TAPBPL: variants seen among roughly 807,000 people sequenced by gnomAD.
TAPBPL encodes the protein TAP binding protein like, also known as tapasin-related protein.
TAPBPL carries 32 observed loss-of-function variants against 44.8 expected under a neutral mutation model. The observed-to-expected ratio is 0.71, with a 90% CI of 0.54 to 0.96. The LOEUF is 0.96. TAPBPL is among the 40% of genes least tolerant of loss of function. The pLI is 0.00. For synonymous variants in TAPBPL, 230 were observed against 240.7 expected (o/e 0.96, Z 0.41); for missense variants, 520 against 586.6 (o/e 0.89, Z 1.17).
downstream of TAPBPL, among the ~76,000 whole-genome samples, chr12:6,471,412 C>G (rs115389206): frequency 5.3e-5 from 8 of 152,132 alleles, no homozygotes; most frequent in African/African-American, 1.7e-4. This position sits in a 1 kb window ranked among gnomAD's most constrained non-coding sequence, Gnocchi z 4.0. Context: ...CAGTAATCTG[C>G]CAAATCGAGT....
chr12:6,457,492 C>A lies in TAPBPL; in HGVS notation c.652C>A (p.Pro218Thr). 7 of 1,614,220 alleles carry A rather than the reference C, an allele frequency of 4.3e-6. No individual in the cohort carries two copies. Among genetic ancestry groups the A allele is most frequent in the Non-Finnish European group, 5.9e-6 (7 of 1,180,042 alleles). Residue 218 changes from proline (P) to threonine (T), a missense_variant, in exon 4 of 7, where the codon CCG (proline) becomes ACG (threonine). Pro to Thr is a conservative substitution (Grantham distance 38, BLOSUM62 -1). Transcript: ENST00000266556. ...ASLDCGFSMA[P>T]GLDLISVEWR... ...CTTGGACTGTGGCTTCTCCATGGCA[C>A]CGGGCTTGGACCTCATCAGTGTGGA...
At chr12:6,451,697 A>G (rs1385344474), upstream of TAPBPL, 2 of 336,944 alleles carry the variant, frequency 5.9e-6, no homozygotes, top group Non-Finnish European at 1.1e-5. Flanking sequence ...GGCAAAATAA[A>G]GTGACAGATG....
chr12:6,469,542 TTAC>T (rs1476787386), downstream of TAPBPL, among the ~76,000 whole-genome samples: 1 of 152,222 alleles, frequency 6.6e-6, no homozygotes, highest in Non-Finnish European at 1.5e-5. Flanking sequence ...CCAATTTCAC[TTAC>T]TACTTGTTGG....
At chr12:6,463,419 A>C, downstream of TAPBPL, 1 of 1,056,130 alleles carries the variant, frequency 9.5e-7, no homozygotes, top group Non-Finnish European at 1.1e-6. This position sits in a 1 kb window ranked among gnomAD's most constrained non-coding sequence, Gnocchi z 4.0. Context: ...TGTCTTTGGC[A>C]AGTGCACGGG....
chr12:6,457,999 A>G (rs1443471262), intron 4 of TAPBPL, among the ~76,000 whole-genome samples: 1 of 152,148 alleles, frequency 6.6e-6, no homozygotes, highest in Non-Finnish European at 1.5e-5. Flanking sequence ...CCATCACCCC[A>G]GTCCTTTTGG....
intron 5 of TAPBPL, among the ~76,000 whole-genome samples, chr12:6,459,513 T>C (rs2136990825): frequency 6.6e-6 from 1 of 152,310 alleles, no homozygotes; most frequent in South Asian, 2.1e-4. Context: ...AAATGTATGA[T>C]TTCATGGATC....
intron 3 of TAPBPL, among the ~76,000 whole-genome samples, chr12:6,457,053 A>G (rs1319306554): frequency 6.6e-6 from 1 of 152,248 alleles, no homozygotes. Context: ...TCACGGAGCC[A>G]GTAAGTGGAA....
chr12:6,464,619 C>T, downstream of TAPBPL: 1 of 1,456,614 alleles, frequency 6.9e-7, no homozygotes, highest in South Asian at 1.5e-5. Flanking sequence ...TGGTCTCCCT[C>T]CAACCCAAGC....
chr12:6,462,850 A>G, downstream of TAPBPL: 3 of 1,606,412 alleles, frequency 1.9e-6, no homozygotes, highest in Non-Finnish European at 2.6e-6. Context: ...GCCCTTGGGC[A>G]GGACGAAGGG....
At chr12:6,464,141 A>G, downstream of TAPBPL, 1 of 1,379,142 alleles carries the variant, frequency 7.3e-7, no homozygotes, top group Non-Finnish European at 9.6e-7. Flanking sequence ...CTTCATGGGT[A>G]CTTCGCCTCA....
chr12:6,467,817 C>T (rs1346634128), downstream of TAPBPL, among the ~76,000 whole-genome samples: 1 of 152,250 alleles, frequency 6.6e-6, no homozygotes. Context: ...GCCGCTCCCA[C>T]TGTGGCTGAG....
At chr12:6,456,402 T>C (rs891655577) in intron 3 of TAPBPL, among the ~76,000 whole-genome samples, 6 of 151,632 alleles carry the variant, frequency 4.0e-5, no homozygotes, top group Non-Finnish European at 5.9e-5. Flanking sequence ...TTTACTCTTA[T>C]TGCCCAGGCT....
At chr12:6,464,335 AAGG>A, downstream of TAPBPL, 1 of 1,550,168 alleles carries the variant, frequency 6.5e-7, no homozygotes, top group Non-Finnish European at 8.7e-7. Flanking sequence ...CGCAACGAAA[AAGG>A]AGGAATGGGT....
chr12:6,466,185 C>A, downstream of TAPBPL: 1 of 1,613,890 alleles, frequency 6.2e-7, no homozygotes. Context: ...TTCCAAACTC[C>A]TAGATTTGGA....
At chr12:6,461,232 G>A in intron 6 of TAPBPL, 1 of 1,232,334 alleles carries the variant, frequency 8.1e-7, no homozygotes, top group South Asian at 1.6e-5. Context: ...ATACATGAAG[G>A]TGGCACCAGC....
At chr12:6,457,376 C>T in intron 3 of TAPBPL, 30 bp from the exon 4 acceptor site, 2 of 1,589,980 alleles carry the variant, frequency 1.3e-6, no homozygotes, top group Non-Finnish European at 1.7e-6. Flanking sequence ...GGAAGTAGCC[C>T]ACAAATCACC....
rs551102531 is a variant in TAPBPL, at chr12:6,452,351, G to A, written c.64+39G>A. ...TCGGGGAGAGCTGGCTGGGAGAAGAGCTACTGAAGCCCCAGGGTGCCACCC... is the reference window on the plus strand; with the variant it reads ...TCGGGGAGAGCTGGCTGGGAGAAGAACTACTGAAGCCCCAGGGTGCCACCC... On this transcript the variant is annotated intron_variant, in intron 1 of 6. Coordinates refer to ENST00000266556, the MANE Select transcript of TAPBPL (RefSeq NM_018009.5). The A allele has an allele frequency of 7.7e-6, 12 of 1,555,030 alleles. No individual in the cohort carries two copies. The East Asian group carries it at 2.6e-4, about 34-fold the overall frequency.
chr12:6,465,006 T>G, downstream of TAPBPL: 43 of 1,598,882 alleles, frequency 2.7e-5, no homozygotes, highest in Non-Finnish European at 3.3e-5. Flanking sequence ...GCCACATCTC[T>G]AGTGGGAAAC....
At position 6,453,097 on chromosome 12, in the gene TAPBPL, C is replaced by T. The variant is rs764643179; in HGVS notation, c.95C>T (p.Ala32Val). The change falls in exon 2 of 7, where the codon GCA becomes GTA. Residue 32 changes from alanine to valine, a missense_variant. Ala to Val is a moderately conservative substitution (Grantham distance 64). Transcript: ENST00000266556. The surrounding 1 kb of genome is among the most constrained non-coding windows in gnomAD (Gnocchi z 4.8). ...KPHPAEGQWR[A>V]VDVVLDCFLA... Reference sequence around the variant, plus strand: ...CACCCAGCAGAGGGGCAGTGGCGGGCAGTGGACGTGGTCCTAGACTGCTTC... The same window carrying T: ...CACCCAGCAGAGGGGCAGTGGCGGGTAGTGGACGTGGTCCTAGACTGCTTC... The T allele has an allele frequency of 3.2e-6, 5 of 1,577,454 alleles. No individual in the cohort carries two copies. Among genetic ancestry groups the T allele is most frequent in the Non-Finnish European group, 4.3e-6 (5 of 1,161,512 alleles).
Sources: gnomAD v4.1 joint callset for allele counts (sites outside exome capture counted in the v4.1 genomes callset) on GRCh38, gnomAD v4.1.1 for gene constraint, Gnocchi (gnomAD v3.1) non-coding constraint, MANE v1.5 for transcripts, NCBI Gene and HGNC (gene_info 2026-07-23, HGNC 2026-07-21) for gene names.